The following ESR1 variants were observed in gnomAD, a reference collection of about 807,000 sequenced individuals.
ESR1 encodes the protein estrogen receptor.
In ESR1, 12 loss-of-function variants were observed where a neutral mutation model predicts 52.7. The observed-to-expected ratio is 0.23, with a 90% CI of 0.15 to 0.37. The LOEUF is 0.37. Ranked by LOEUF, ESR1 falls within the 10% of genes least tolerant of loss-of-function variation. The pLI is 1.00. For missense variants in ESR1, 584 were observed against 779.7 expected (o/e 0.75, Z 2.99); for synonymous variants, 305 against 316.8 (o/e 0.96, Z 0.39).
At chr6:152,105,826 G>T (rs1196827087), downstream of ESR1, among the ~76,000 whole-genome samples, 5 of 132,878 alleles carry the variant, frequency 3.8e-5, no homozygotes, top group Admixed American at 8.7e-5. Flanking sequence ...TGTCGCCCAG[G>T]CCGGACTGCG....
intron 6 of ESR1, among the ~76,000 whole-genome samples, chr6:152,088,639 C>T (rs535560946): frequency 6.6e-6 from 1 of 152,310 alleles, no homozygotes; most frequent in African/African-American, 2.4e-5. Context: ...TGCGCTAGCA[C>T]ACTCAGCCTC....
At chr6:151,690,856 A>T (rs1778883213) in intron 1 of ESR1, among the ~76,000 whole-genome samples, 1 of 152,192 alleles carries the variant, frequency 6.6e-6, no homozygotes, top group Non-Finnish European at 1.5e-5. Flanking sequence ...TGAAATCTAA[A>T]CTTGGTACAG....
intron 3 of ESR1, among the ~76,000 whole-genome samples, chr6:151,893,190 C>CA (rs997025023): frequency 2.9e-4 from 44 of 150,686 alleles, no homozygotes; most frequent in South Asian, 8.4e-4. Flanking sequence ...GACTCTGTCT[C>CA]AAAAAAAAAT....
intron 4 of ESR1, among the ~76,000 whole-genome samples, chr6:151,977,560 C>T (rs1562622199): frequency 6.6e-6 from 1 of 151,832 alleles, no homozygotes; most frequent in Non-Finnish European, 1.5e-5. Context: ...TTTGGGAGGC[C>T]GAAGGAGGTG....
At chr6:151,923,062 G>A (rs2032007795) in intron 3 of ESR1, among the ~76,000 whole-genome samples, 1 of 152,102 alleles carries the variant, frequency 6.6e-6, no homozygotes, top group South Asian at 2.1e-4. Context: ...GGAAGTTTCA[G>A]AATTGTTAAT....
At chr6:151,974,003 C>G (rs1562617606) in intron 4 of ESR1, among the ~76,000 whole-genome samples, 2 of 152,124 alleles carry the variant, frequency 1.3e-5, no homozygotes, top group East Asian at 3.9e-4. Context: ...TATTTGGTCT[C>G]ACAAAAGCAG....
In ESR1 at chr6:152,055,883, A is replaced by G. The variant is rs186422663; in HGVS notation, c.1236-5108A>G. 8.5e-5 allele frequency among the ~76,000 whole-genome samples: 13 copies of G among 152,330 alleles called. No homozygotes were observed. In the East Asian group the frequency reaches 2.1e-3, roughly 25 times the overall value. ...TTTCATGGCAGTATTCACTTCTAGT[A>G]CCAATTTCTTTTTTAATCTACATGG... On this transcript the variant is annotated intron_variant, in intron 5 of 7. Transcript: ENST00000206249.
At chr6:151,853,433 A>G (rs1232300926) in intron 2 of ESR1, among the ~76,000 whole-genome samples, 1 of 152,180 alleles carries the variant, frequency 6.6e-6, no homozygotes, top group Non-Finnish European at 1.5e-5. Context: ...TTGTGCACAC[A>G]TGCACGCATA....
intron 5 of ESR1, among the ~76,000 whole-genome samples, chr6:152,058,401 A>G (rs2047278702): frequency 6.6e-6 from 1 of 152,186 alleles, no homozygotes; most frequent in Admixed American, 6.5e-5. Context: ...CAAAATGCGC[A>G]TGGCAGTTTT....
chr6:151,677,128 G>C (rs980281), intron 1 of ESR1, among the ~76,000 whole-genome samples: 32 of 152,102 alleles, frequency 2.1e-4, no homozygotes, highest in African/African-American at 7.2e-4. Context: ...TGCAACTACA[G>C]GTACCAAGCT....
intron 2 of ESR1, among the ~76,000 whole-genome samples, chr6:151,858,105 T>G (rs1301598761): frequency 6.6e-6 from 1 of 152,204 alleles, no homozygotes; most frequent in Non-Finnish European, 1.5e-5. Flanking sequence ...ATTTTGACTG[T>G]CTGTTTGCAA....
upstream of ESR1, among the ~76,000 whole-genome samples, chr6:151,801,246 G>A (rs1193582795): frequency 6.6e-6 from 1 of 152,082 alleles, no homozygotes; most frequent in Non-Finnish European, 1.5e-5. Flanking sequence ...ACAATAATTG[G>A]AATAATTGGA....
At chr6:152,016,878 C>T (rs905073097) in intron 5 of ESR1, among the ~76,000 whole-genome samples, 9 of 152,014 alleles carry the variant, frequency 5.9e-5, no homozygotes, top group African/African-American at 1.7e-4. Flanking sequence ...TTTTCATTTG[C>T]GTAGAAATAG....
intron 2 of ESR1, among the ~76,000 whole-genome samples, chr6:151,730,147 G>A (rs1782133066): frequency 6.6e-6 from 1 of 151,958 alleles, no homozygotes; most frequent in African/African-American, 2.4e-5. Flanking sequence ...CCAGAGGGTG[G>A]GCTTCTGCTT....
intron 2 of ESR1, among the ~76,000 whole-genome samples, chr6:151,879,562 G>C (rs1026976466): frequency 2.0e-5 from 3 of 152,130 alleles, no homozygotes; most frequent in African/African-American, 7.2e-5. Flanking sequence ...ATTTGAGGGA[G>C]AGAGAGTCAA....
rs745475930 is a variant in ESR1, at chr6:151,808,260, G to A, written c.348G>A (p.Gln116=). 1.0e-5 allele frequency: 16 copies of A among 1,583,244 alleles called. No individual in the cohort carries two copies. The East Asian group carries it at 3.7e-4, about 36-fold the overall frequency. Residue 116 remains glutamine, a synonymous_variant, in exon 1 of 8, where the codon CAG becomes CAA. Transcript: ENST00000206249. Reference sequence around the variant, plus strand: ...TGATGCTACTGCACCCGCCGCCGCAGCTGTCGCCTTTCCTGCAGCCCCACG... The same window carrying A: ...TGATGCTACTGCACCCGCCGCCGCAACTGTCGCCTTTCCTGCAGCCCCACG... The part of the protein sequence containing the change: ...SPLMLLHPPP[Q]LSPFLQPHGQ...
chr6:151,773,404 C>T (rs568611049), intron 2 of ESR1, among the ~76,000 whole-genome samples: 4 of 152,326 alleles, frequency 2.6e-5, no homozygotes, highest in Admixed American at 2.0e-4. Flanking sequence ...ACCCACTTTG[C>T]GGTGCTTTGT....
chr6:152,090,038 C>T (rs765380244), intron 6 of ESR1, among the ~76,000 whole-genome samples: 10 of 152,212 alleles, frequency 6.6e-5, no homozygotes, highest in Non-Finnish European at 1.3e-4. Flanking sequence ...GCTGTCCAAA[C>T]ACCCTGTTAG....
chr6:152,109,178 G>A (rs531584693), intron 6 of ESR1, among the ~76,000 whole-genome samples: 7 of 152,194 alleles, frequency 4.6e-5, no homozygotes, highest in African/African-American at 1.4e-4. Context: ...GGAGAACTCC[G>A]TCCCATGATC....
Sources: allele counts gnomAD v4.1 joint callset (sites outside exome capture counted in the v4.1 genomes callset), GRCh38; gene constraint gnomAD v4.1.1; transcripts MANE v1.5; gene names NCBI Gene and HGNC (gene_info 2026-07-23, HGNC 2026-07-21).